The following DGKZ variants were observed in gnomAD, a reference collection of about 807,000 sequenced individuals.
The protein encoded by DGKZ is DAG kinase zeta.
In DGKZ, 45 loss-of-function variants were observed where a neutral mutation model predicts 142.5. The ratio of observed to expected loss-of-function variants is 0.32; its 90% CI spans 0.25 to 0.40. The LOEUF (loss-of-function observed/expected upper bound fraction) is 0.40, where lower values mean the gene tolerates loss of function less well. DGKZ is among the 10% of genes least tolerant of loss of function. The pLI is 1.00. For synonymous variants in DGKZ, 442 were observed against 527.0 expected, an observed-to-expected ratio of 0.84 and a Z score of 2.21; for missense variants, 755 against 1,306.5, an observed-to-expected ratio of 0.58 and a Z score of 6.51.
intron 1 of DGKZ, among the ~76,000 whole-genome samples, chr11:46,340,878 G>T (rs1321895252): frequency 1.3e-5 from 2 of 152,248 alleles, no homozygotes; most frequent in East Asian, 1.9e-4. Context: ...GACAGGCATG[G>T]TGGCTCACGC....
At chr11:46,357,163 G>A (rs1023751259) in intron 1 of DGKZ, among the ~76,000 whole-genome samples, 1 of 152,112 alleles carries the variant, frequency 6.6e-6, no homozygotes, top group Non-Finnish European at 1.5e-5. Flanking sequence ...TCAGGGACTC[G>A]GATGTGAAAG....
chr11:46,333,552 C>A, intron 1 of DGKZ: 2 of 1,436,658 alleles, frequency 1.4e-6, no homozygotes, highest in Non-Finnish European at 1.9e-6. Context: ...GGCGTCATTG[C>A]ACAAACGTTT....
Position 46,372,551 on chromosome 11 carries a change from A to C in DGKZ, c.1010+41A>C. 1.2e-6 allele frequency: 2 copies of C among 1,613,740 alleles called. No individual in the cohort carries two copies. Among genetic ancestry groups the C allele is most frequent in the South Asian group, 1.1e-5 (1 of 91,080 alleles). ...GGTTTTGTGGGGGACATGGGGGGGA[A>C]CTTGCCTCACTCCTGGGGTACAGCA... is the stretch of plus-strand genomic sequence containing the variant. On this transcript the variant is annotated intron_variant, in intron 11 of 30. Transcript: ENST00000527911. This position sits in a 1 kb window ranked among gnomAD's most constrained non-coding sequence, Gnocchi z 5.9.
At chr11:46,362,720 C>T (rs539009452) in intron 1 of DGKZ, among the ~76,000 whole-genome samples, 3 of 152,288 alleles carry the variant, frequency 2.0e-5, no homozygotes, top group East Asian at 3.9e-4. Context: ...TAGCACAGGG[C>T]GTGAGATGGC....
chr11:46,370,045 C>T, intron 6 of DGKZ, 36 bp downstream of exon 6: 2 of 1,612,144 alleles, frequency 1.2e-6, no homozygotes, highest in Non-Finnish European at 1.7e-6. Context: ...GCCACCTGCA[C>T]CTGCGGTCCT....
intron 1 of DGKZ, among the ~76,000 whole-genome samples, chr11:46,350,292 G>A (rs1173161046): frequency 6.6e-6 from 1 of 152,170 alleles, no homozygotes; most frequent in East Asian, 1.9e-4. Flanking sequence ...ACATGTGGAA[G>A]GGTGGAATAG....
rs1943501586 is a variant in DGKZ, at chr11:46,367,887, C to T, written c.367-115C>T. 4 of 1,521,534 alleles carry T rather than the reference C, an allele frequency of 2.6e-6. No individual in the cohort carries two copies. The South Asian group carries it at 4.5e-5, about 17-fold the overall frequency. The allele number at this position is 1,521,534 out of a possible 1,614,324, so 94.3% of individuals were successfully genotyped here. A position where few individuals can be genotyped will look rare whatever the true frequency, so the allele number is the denominator to read the frequency against. On this transcript the variant is annotated intron_variant, in intron 3 of 30. Transcript: ENST00000527911. This position sits in a 1 kb window ranked among gnomAD's most constrained non-coding sequence, Gnocchi z 4.1. ...ATGGTGAGGGGTGCAGGGGCTTTGTCCGGATGCCAGGACTGGGGCTTCCCA... is the reference window on the plus strand; with the variant it reads ...ATGGTGAGGGGTGCAGGGGCTTTGTTCGGATGCCAGGACTGGGGCTTCCCA...
chr11:46,376,794 C>CT lies in DGKZ; in HGVS notation c.2202+231dup, dbSNP rs1442238612. On this transcript the variant is annotated intron_variant, in intron 24 of 30. Transcript: ENST00000527911. ...CAGTGGGGTACCTACCAAAGGCTTG[C>CT]TGGGTGGGTAGGAGGGCCTGGAAGC... The CT allele has an allele frequency of 8.8e-6, 6 of 679,456 alleles. No homozygotes were observed. In the African/African-American group the frequency reaches 9.0e-5, roughly 10 times the overall value. The allele number at this position is 679,456 out of a possible 1,614,324, so 42.1% of individuals were successfully genotyped here.
intron 1 of DGKZ, among the ~76,000 whole-genome samples, chr11:46,357,162 C>G (rs561143148): frequency 6.6e-6 from 1 of 152,208 alleles, no homozygotes; most frequent in East Asian, 1.9e-4. Flanking sequence ...GTCAGGGACT[C>G]GGATGTGAAA....
chr11:46,373,520 G>A (rs1245196935), intron 14 of DGKZ, among the ~76,000 whole-genome samples: 3 of 127,096 alleles, frequency 2.4e-5, no homozygotes, highest in Non-Finnish European at 4.9e-5. Flanking sequence ...TGTTTTTTGT[G>A]ACAGAGTCTC....
intron 25 of DGKZ, chr11:46,377,450 C>T (rs1227046956): frequency 2.8e-6 from 2 of 714,962 alleles, no homozygotes; most frequent in Admixed American, 3.7e-5. Flanking sequence ...TCAGCCAGTC[C>T]TGGCAGCCCC....
At chr11:46,345,540 G>T, upstream of DGKZ, 1 of 1,524,446 alleles carries the variant, frequency 6.6e-7, no homozygotes, top group Non-Finnish European at 8.8e-7. The surrounding 1 kb of genome is among the most constrained non-coding windows in gnomAD (Gnocchi z 4.1). Flanking sequence ...TGGCGCTACC[G>T]CTCCTGGGAC....
At chr11:46,333,469 G>T (rs1243414239) in exon 1 of DGKZ, 3 of 1,539,258 alleles carry the variant, frequency 1.9e-6, no homozygotes, top group Admixed American at 2.0e-5. Flanking sequence ...CTGCACCTAC[G>T]AAAGCAGGTG....
chr11:46,375,690 C>T, intron 20 of DGKZ, 59 bp downstream of exon 20: 1 of 1,518,050 alleles, frequency 6.6e-7, no homozygotes, highest in Non-Finnish European at 8.8e-7. Context: ...CCTCTCTGGG[C>T]CTTGATTTCC....
chr11:46,366,623 C>T, intron 1 of DGKZ: 1 of 1,607,150 alleles, frequency 6.2e-7, no homozygotes, highest in African/African-American at 1.3e-5. Flanking sequence ...GGAGGGTGTC[C>T]AGGAGGATGT....
At chr11:46,349,849 G>A (rs1030408886) in intron 1 of DGKZ, among the ~76,000 whole-genome samples, 3 of 152,160 alleles carry the variant, frequency 2.0e-5, no homozygotes, top group East Asian at 1.9e-4. Context: ...GATCCCAAAC[G>A]GAACATCACA....
At chr11:46,362,351 G>A (rs1357499238) in intron 1 of DGKZ, among the ~76,000 whole-genome samples, 1 of 152,186 alleles carries the variant, frequency 6.6e-6, no homozygotes, top group Non-Finnish European at 1.5e-5. Flanking sequence ...GGCACGAGCA[G>A]ATACCCAGGT....
upstream of DGKZ, among the ~76,000 whole-genome samples, chr11:46,346,784 T>C (rs1296384478): frequency 6.6e-6 from 1 of 152,164 alleles, no homozygotes; most frequent in Non-Finnish European, 1.5e-5. Context: ...GAATACTATG[T>C]CAGGAAAATG....
chr11:46,375,987 G>C (rs1364202419), intron 21 of DGKZ, 36 bp downstream of exon 21: 1 of 1,611,684 alleles, frequency 6.2e-7, no homozygotes, highest in Non-Finnish European at 8.5e-7. Context: ...GGGTGGCCAG[G>C]AGGGGCTGAA....
Sources: gnomAD v4.1 joint callset for allele counts (sites outside exome capture counted in the v4.1 genomes callset) on GRCh38, gnomAD v4.1.1 for gene constraint, Gnocchi (gnomAD v3.1) non-coding constraint, MANE v1.5 for transcripts, NCBI Gene and HGNC (gene_info 2026-07-23, HGNC 2026-07-21) for gene names.